The following SLC4A7 variants were observed in gnomAD, a reference collection of about 807,000 sequenced individuals.
SLC4A7 encodes the protein sodium bicarbonate cotransporter 3.
A neutral mutation model predicts 137.6 loss-of-function variants in SLC4A7; 51 were observed. That is an observed-to-expected ratio of 0.37 (90% CI 0.30 to 0.47). SLC4A7 has a LOEUF of 0.47. SLC4A7 is among the 20% of genes least tolerant of loss of function. SLC4A7 has a pLI of 1.00. For missense variants in SLC4A7, 1,247 were observed against 1,525.4 expected (o/e 0.82, Z 3.04); for synonymous variants, 542 against 518.6 (o/e 1.05, Z -0.61).
chr3:27,459,745 T>C (rs990523654), intron 1 of SLC4A7, among the ~76,000 whole-genome samples: 1 of 152,084 alleles, frequency 6.6e-6, no homozygotes, highest in South Asian at 2.1e-4. Flanking sequence ...TGCCCCCAAA[T>C]AAGCAAGCAT....
intron 21 of SLC4A7, among the ~76,000 whole-genome samples, chr3:27,390,731 C>T (rs990536075): frequency 6.6e-6 from 1 of 152,116 alleles, no homozygotes; most frequent in African/African-American, 2.4e-5. Context: ...TGCCACTAGC[C>T]TATGAGTTGG....
intron 4 of SLC4A7, among the ~76,000 whole-genome samples, 192 bp downstream of exon 4, chr3:27,437,196 C>T (rs1275396286): frequency 1.3e-5 from 2 of 151,872 alleles, no homozygotes; most frequent in Admixed American, 6.6e-5. Flanking sequence ...ACTAAAAATA[C>T]AAAAATTAGC....
chr3:27,476,487 C>T (rs1490013724), intron 1 of SLC4A7, among the ~76,000 whole-genome samples: 1 of 152,180 alleles, frequency 6.6e-6, no homozygotes, highest in Non-Finnish European at 1.5e-5. Context: ...TATTCAATTT[C>T]AAATCTTATT....
chr3:27,382,555 T>G (rs1490408267), intron 24 of SLC4A7, among the ~76,000 whole-genome samples: 1 of 152,188 alleles, frequency 6.6e-6, no homozygotes, highest in Non-Finnish European at 1.5e-5. Flanking sequence ...GTTCTTAAAT[T>G]TAAATATAAA....
chr3:27,475,343 C>T (rs1241423547), intron 1 of SLC4A7, among the ~76,000 whole-genome samples: 1 of 149,708 alleles, frequency 6.7e-6, no homozygotes, highest in East Asian at 2.0e-4. Flanking sequence ...AAGACGAGCC[C>T]TACGAGATAA....
At chr3:27,417,648 G>A (rs961471034) in intron 11 of SLC4A7, among the ~76,000 whole-genome samples, 5 of 152,182 alleles carry the variant, frequency 3.3e-5, no homozygotes, top group African/African-American at 1.2e-4. Flanking sequence ...AGGCTACATA[G>A]AAGGCTAAGG....
chr3:27,426,251 C>G (rs957013163), intron 7 of SLC4A7, among the ~76,000 whole-genome samples: 2 of 152,176 alleles, frequency 1.3e-5, no homozygotes, highest in Non-Finnish European at 2.9e-5. Context: ...TTAAACAATT[C>G]CGAAATACAA....
chr3:27,479,380 C>A (rs937780719), intron 1 of SLC4A7, among the ~76,000 whole-genome samples: 4 of 151,446 alleles, frequency 2.6e-5, no homozygotes, highest in Non-Finnish European at 4.4e-5. Flanking sequence ...TACCACTGCA[C>A]TTCAGCCTGG....
intron 1 of SLC4A7, among the ~76,000 whole-genome samples, chr3:27,452,768 C>T (rs1361118598): frequency 2.0e-5 from 3 of 152,246 alleles, no homozygotes; most frequent in Middle Eastern, 3.4e-3. Context: ...GTAATATATT[C>T]ATTTCATCCT....
intron 22 of SLC4A7, among the ~76,000 whole-genome samples, chr3:27,388,685 T>C (rs2051222067): frequency 6.6e-6 from 1 of 152,124 alleles, no homozygotes; most frequent in Admixed American, 6.5e-5. Flanking sequence ...CTAAGAATGT[T>C]TTTTTACAGA....
At chr3:27,463,068 G>T (rs550582806) in intron 1 of SLC4A7, among the ~76,000 whole-genome samples, 5 of 152,308 alleles carry the variant, frequency 3.3e-5, no homozygotes, top group Admixed American at 2.0e-4. Flanking sequence ...GCAGAGGTGG[G>T]CAGATCACCC....
At chr3:27,436,609 A>G in intron 4 of SLC4A7, 61 bp from the exon 5 acceptor site, 1 of 1,032,482 alleles carries the variant, frequency 9.7e-7, no homozygotes, top group Non-Finnish European at 1.4e-6. Flanking sequence ...GTTTATCTTA[A>G]TGTGATAAAG....
chr3:27,444,994 G>A (rs980859030), intron 3 of SLC4A7, among the ~76,000 whole-genome samples: 4 of 152,144 alleles, frequency 2.6e-5, no homozygotes, highest in Admixed American at 1.3e-4. Flanking sequence ...CAGATTCACT[G>A]CAGTCTTTGT....
intron 16 of SLC4A7, 118 bp downstream of exon 16, chr3:27,400,646 C>T: frequency 3.2e-6 from 2 of 630,442 alleles, no homozygotes; most frequent in Middle Eastern, 8.6e-4. Context: ...AATAACACTA[C>T]ATTCTGAAAA....
At chr3:27,411,302 T>A (rs2053874329) in intron 12 of SLC4A7, among the ~76,000 whole-genome samples, 1 of 152,082 alleles carries the variant, frequency 6.6e-6, no homozygotes, top group Non-Finnish European at 1.5e-5. Context: ...GTTCCCATAA[T>A]TCTCTAACTC....
intron 3 of SLC4A7, among the ~76,000 whole-genome samples, chr3:27,445,647 G>A (rs1433145113): frequency 6.6e-6 from 1 of 151,282 alleles, no homozygotes. Context: ...GCTGGGCGCA[G>A]CGGCTCACAC....
chr3:27,407,278 G>A (rs2053465896), intron 13 of SLC4A7, among the ~76,000 whole-genome samples: 2 of 151,514 alleles, frequency 1.3e-5, no homozygotes, highest in African/African-American at 2.4e-5. Flanking sequence ...TCACATTATC[G>A]AGACCAGCCT....
chr3:27,461,487 T>G (rs1377328870), intron 1 of SLC4A7, among the ~76,000 whole-genome samples: 1 of 152,002 alleles, frequency 6.6e-6, no homozygotes, highest in Admixed American at 6.6e-5. Context: ...TAGCTTTTCT[T>G]TAAGCAGTAA....
chr3:27,377,469 T>C (rs1319256449), intron 25 of SLC4A7, among the ~76,000 whole-genome samples: 1 of 152,204 alleles, frequency 6.6e-6, no homozygotes, highest in Admixed American at 6.5e-5. Context: ...CTCGGCTCAC[T>C]GCAACCTCCA....
Sources: allele counts gnomAD v4.1 joint callset (sites outside exome capture counted in the v4.1 genomes callset), GRCh38; gene constraint gnomAD v4.1.1; transcripts MANE v1.5; gene names NCBI Gene and HGNC (gene_info 2026-07-23, HGNC 2026-07-21).